Variants in ZNF609 observed in about 807,000 individuals in gnomAD.
ZNF609 encodes zinc finger protein 609.
Under a neutral mutation model 109.5 loss-of-function variants are expected in ZNF609, and 11 were observed. That is an observed-to-expected ratio of 0.10 (90% confidence interval 0.06 to 0.17). The LOEUF is 0.17. Among genes scored for constraint, ZNF609 ranks in the 10% least tolerant of loss-of-function variants. The pLI, the probability that ZNF609 is intolerant of heterozygous loss-of-function variation, is 1.00. For synonymous variants in ZNF609, 646 were observed against 662.0 expected (o/e 0.98, Z 0.37); for missense variants, 1,559 against 1,772.4 (o/e 0.88, Z 2.16).
rs141053367 is a variant in ZNF609 at position 64,659,319 on chromosome 15, T to G, written c.974-11027T>G. Among the ~76,000 whole-genome samples the G allele has an allele frequency of 2.6e-3, 395 of 152,340 alleles. 2 individuals carry two copies. Among genetic ancestry groups the G allele is most frequent in the African/African-American group, 8.7e-3 (363 of 41,576 alleles). ...AGTTACCAAAAATAGTTTCTCAGACTGATTCCTTTGGTTAGTAGCTATAGA... is the reference window on the plus strand; with the variant it reads ...AGTTACCAAAAATAGTTTCTCAGACGGATTCCTTTGGTTAGTAGCTATAGA... On this transcript the variant is annotated intron_variant, in intron 3 of 9. Transcript: ENST00000326648.
intron 1 of ZNF609, among the ~76,000 whole-genome samples, chr15:64,473,915 C>T (rs557170188): frequency 1.3e-5 from 2 of 152,010 alleles, no homozygotes; most frequent in South Asian, 2.1e-4. Context: ...GCTGTGATTA[C>T]AGGCGCCTGT....
At chr15:64,508,982 C>G (rs1893679238) in intron 2 of ZNF609, among the ~76,000 whole-genome samples, 1 of 152,166 alleles carries the variant, frequency 6.6e-6, no homozygotes, top group African/African-American at 2.4e-5. Flanking sequence ...GTGTAAGCCA[C>G]TGTGCCCAGC....
At chr15:64,481,455 G>C (rs1231052762) in intron 1 of ZNF609, among the ~76,000 whole-genome samples, 2 of 151,572 alleles carry the variant, frequency 1.3e-5, no homozygotes, top group Non-Finnish European at 2.9e-5. Flanking sequence ...CTAGTAGCTA[G>C]GATTACAGGC....
intron 1 of ZNF609, among the ~76,000 whole-genome samples, chr15:64,484,855 T>A (rs1893310413): frequency 6.6e-6 from 1 of 151,312 alleles, no homozygotes; most frequent in South Asian, 2.1e-4. Flanking sequence ...TTGCCTGTAG[T>A]CCCAGCTATT....
chr15:64,607,800 T>C, intron 2 of ZNF609, among the ~76,000 whole-genome samples: 1 of 146,298 alleles, frequency 6.8e-6, no homozygotes, highest in African/African-American at 2.5e-5. Flanking sequence ...CTACTGCACC[T>C]GGCCTTAAAT....
At chr15:64,588,452 A>AAGACTGT (rs1895238955) in intron 2 of ZNF609, among the ~76,000 whole-genome samples, 1 of 149,640 alleles carries the variant, frequency 6.7e-6, no homozygotes, top group Non-Finnish European at 1.5e-5. Flanking sequence ...AAAGAAGAGG[A>AAGACTGT]AGACTGTACA....
At position 64,674,234 on chromosome 15, in the gene ZNF609, C is replaced by T. The variant is rs753679073; in HGVS notation, c.1380C>T (p.Ser460=). The T allele has an allele frequency of 1.2e-6, 2 of 1,614,220 alleles. No homozygotes were observed. The highest frequency in any genetic ancestry group is 2.2e-5 in the East Asian group (1 of 44,892). Residue 460 remains serine, a synonymous_variant, in exon 5 of 10, where the codon AGC becomes AGT. Transcript: ENST00000326648. ...CTAGCTCAGAGGACTCCAAAGGGAG[C>T]AAGCGTGTCCGTACTAATTCCATGG... ...LNSSSEDSKG[S]KRVRTNSMGS... is the part of the protein sequence containing the mutation.
At chr15:64,631,391 A>G in intron 3 of ZNF609, 1 of 727,856 alleles carries the variant, frequency 1.4e-6, no homozygotes, top group Non-Finnish European at 2.5e-6. Flanking sequence ...GTGCTGGGGG[A>G]CACTGTAGAC....
intron 3 of ZNF609, among the ~76,000 whole-genome samples, chr15:64,623,420 T>G (rs2140973062): frequency 6.6e-6 from 1 of 152,086 alleles, no homozygotes; most frequent in African/African-American, 2.4e-5. Context: ...GCTGAGGGAG[T>G]CAAGAGGATG....
chr15:64,480,152 T>C (rs1893231455), intron 1 of ZNF609, among the ~76,000 whole-genome samples: 1 of 151,744 alleles, frequency 6.6e-6, no homozygotes, highest in Non-Finnish European at 1.5e-5. Flanking sequence ...GGCAGGAGAA[T>C]CGCTTGAACC....
chr15:64,638,686 G>A (rs534267338), intron 3 of ZNF609, among the ~76,000 whole-genome samples: 14 of 151,490 alleles, frequency 9.2e-5, no homozygotes, highest in Admixed American at 2.6e-4. Flanking sequence ...TCTTGAGCCC[G>A]GGAATTCAAG....
chr15:64,475,417 G>A (rs1231285734), intron 1 of ZNF609, among the ~76,000 whole-genome samples: 15 of 112,774 alleles, frequency 1.3e-4, no homozygotes, highest in African/African-American at 1.7e-4. Flanking sequence ...TTTTTGAGAC[G>A]GAGTCTTACT....
At chr15:64,616,835 T>TTTTTC in intron 2 of ZNF609, among the ~76,000 whole-genome samples, 1 of 127,858 alleles carries the variant, frequency 7.8e-6, no homozygotes, top group Non-Finnish European at 1.6e-5. Flanking sequence ...TTTTTTTTTT[T>TTTTTC]TTGCACTCTG....
chr15:64,576,187 A>G (rs1203409397), intron 2 of ZNF609, among the ~76,000 whole-genome samples: 1 of 152,082 alleles, frequency 6.6e-6, no homozygotes, highest in Non-Finnish European at 1.5e-5. Context: ...TGAGAAACCA[A>G]AACCCCTGGT....
rs200021424 is a variant in ZNF609 at position 64,673,910 on chromosome 15, G to A, written c.1062-6G>A. 10 of 1,607,090 alleles carry A rather than the reference G, an allele frequency of 6.2e-6. No individual in the cohort carries two copies. In the African/African-American group the frequency reaches 9.4e-5, roughly 15 times the overall value. ...TAATATTCTGTTGTGTTTATCCTTT[G>A]CCAAGGTTCTGTGACTCCCCGACCA... On this transcript the variant is annotated splice_polypyrimidine_tract_variant and splice_region_variant and intron_variant, in intron 4 of 9. Coordinates refer to ENST00000326648, the MANE Select transcript of ZNF609 (RefSeq NM_015042.2).
rs1314349134 is a variant in ZNF609, at chr15:64,682,967, A to ATAAT, written c.*1281_*1282insTAAT. The ATAAT allele has an allele frequency of 1.3e-5, 2 of 152,774 alleles. No homozygotes were observed. Among genetic ancestry groups the ATAAT allele is most frequent in the East Asian group, 3.9e-4 (2 of 5,188 alleles). The allele number at this position is 152,774 out of a possible 1,614,324, so 9.5% of individuals were successfully genotyped here. On this transcript the variant is annotated 3_prime_UTR_variant, in exon 10 of 10. Coordinates refer to ENST00000326648, the MANE Select transcript of ZNF609 (RefSeq NM_015042.2). ...TAACACATCCAAGCCATTACTTATT[A>ATAAT]GAGTCTCAGAATGTACTCAGTGGAG...
intron 1 of ZNF609, among the ~76,000 whole-genome samples, chr15:64,466,883 A>G (rs1448555624): frequency 6.6e-6 from 1 of 151,832 alleles, no homozygotes; most frequent in African/African-American, 2.4e-5. Flanking sequence ...TACTGTAGCT[A>G]TTATAGTCAC....
At chr15:64,494,176 C>T (rs1378569893) in intron 1 of ZNF609, among the ~76,000 whole-genome samples, 2 of 152,182 alleles carry the variant, frequency 1.3e-5, no homozygotes, top group East Asian at 1.9e-4. Flanking sequence ...GTTTTCTTTG[C>T]ATCCTGGTCA....
rs186396264 is a variant in ZNF609, at chr15:64,468,399, C to G, written c.-128+7561C>G. On this transcript the variant is annotated intron_variant, in intron 1 of 9. Coordinates refer to ENST00000326648, the MANE Select transcript of ZNF609 (RefSeq NM_015042.2). ...TGGTGCAATCACAGCTCATTCCAGCCTCAATGCCACCACACCTGGCTAATT... is the reference window on the plus strand; with the variant it reads ...TGGTGCAATCACAGCTCATTCCAGCGTCAATGCCACCACACCTGGCTAATT... 2.6e-5 allele frequency among the ~76,000 whole-genome samples: 4 copies of G among 151,928 alleles called. No individual in the cohort carries two copies. In the East Asian group the frequency reaches 7.7e-4, roughly 29 times the overall value.
Sources: allele counts gnomAD v4.1 joint callset (sites outside exome capture counted in the v4.1 genomes callset), GRCh38; gene constraint gnomAD v4.1.1; transcripts MANE v1.5; gene names NCBI Gene and HGNC (gene_info 2026-07-23, HGNC 2026-07-21).